Variants in DCBLD2 observed in about 807,000 individuals in gnomAD.
DCBLD2 encodes the protein discoidin, CUB and LCCL domain-containing protein 2.
In DCBLD2, 54 loss-of-function variants were observed where a neutral mutation model predicts 86.8. That is an observed-to-expected ratio of 0.62 (90% CI 0.50 to 0.78). The LOEUF is 0.78. Among genes scored for constraint, DCBLD2 ranks in the 30% least tolerant of loss-of-function variants. The probability of loss-of-function intolerance (pLI) is 0.00; values close to 1 mark genes in which losing one functional copy is unlikely to be tolerated. For missense variants in DCBLD2, 908 were observed against 954.2 expected (o/e 0.95, Z 0.64); for synonymous variants, 354 against 341.3 (o/e 1.04, Z -0.41).
intron 7 of DCBLD2, 112 bp from the exon 8 acceptor site, chr3:98,819,529 T>C: frequency 9.5e-7 from 1 of 1,055,202 alleles, no homozygotes; most frequent in Non-Finnish European, 1.4e-6. Flanking sequence ...ACTACACTAA[T>C]AATACACTGT....
intron 2 of DCBLD2, among the ~76,000 whole-genome samples, chr3:98,868,509 C>T (rs1422624691): frequency 1.3e-5 from 2 of 151,982 alleles, no homozygotes; most frequent in Non-Finnish European, 2.9e-5. Flanking sequence ...GTTTTTGTTA[C>T]ACAGATAAAT....
intron 13 of DCBLD2, among the ~76,000 whole-genome samples, chr3:98,807,169 C>G (rs777871923): frequency 6.6e-6 from 1 of 152,178 alleles, no homozygotes; most frequent in Non-Finnish European, 1.5e-5. Flanking sequence ...CAGGACTCTC[C>G]CACGCCAAGC....
intron 1 of DCBLD2, among the ~76,000 whole-genome samples, chr3:98,891,720 G>T (rs1012504739): frequency 1.3e-5 from 2 of 151,906 alleles, no homozygotes; most frequent in Non-Finnish European, 2.9e-5. Flanking sequence ...TGAACTATAG[G>T]TGACTCCCCA....
intron 3 of DCBLD2, among the ~76,000 whole-genome samples, chr3:98,840,908 C>A (rs771850159): frequency 1.3e-5 from 2 of 152,150 alleles, no homozygotes; most frequent in African/African-American, 4.8e-5. Flanking sequence ...ACATATGGTA[C>A]ACTTCATTTG....
Position 98,881,632 on chromosome 3 carries a change from T to G in DCBLD2, c.341A>C (p.Lys114Thr), listed in dbSNP as rs370633758. ...ATCTTCAATGTCAAAGTCACCAAAT[T>G]TGATGCGAACTCTCTCTCCCATCTT... ...RVKMGERVRI[K>T]FGDFDIEDSD... Residue 114 changes from lysine to threonine, a missense_variant, in exon 2 of 16, where the codon AAA (lysine) becomes ACA (threonine). Coordinates refer to ENST00000326840, the MANE Select transcript of DCBLD2 (RefSeq NM_080927.4). The G allele has an allele frequency of 1.2e-6, 2 of 1,613,844 alleles. No homozygotes were observed. Among genetic ancestry groups the G allele is most frequent in the Non-Finnish European group, 8.5e-7 (1 of 1,179,882 alleles).
intron 3 of DCBLD2, among the ~76,000 whole-genome samples, chr3:98,842,630 C>A (rs1942640961): frequency 6.6e-6 from 1 of 152,120 alleles, no homozygotes; most frequent in Admixed American, 6.5e-5. Flanking sequence ...ACAGTAGAAG[C>A]CCAGAAAAAA....
At chr3:98,839,561 G>C (rs1237901330) in intron 3 of DCBLD2, among the ~76,000 whole-genome samples, 2 of 152,154 alleles carry the variant, frequency 1.3e-5, no homozygotes, top group Non-Finnish European at 2.9e-5. Context: ...TAGCATATCT[G>C]TATTGATGGG....
intron 5 of DCBLD2, 45 bp from the exon 6 acceptor site, chr3:98,822,406 A>G: frequency 6.3e-7 from 1 of 1,583,320 alleles, no homozygotes; most frequent in Non-Finnish European, 8.6e-7. Context: ...TTTTCTCTTA[A>G]TAATTCATAA....
chr3:98,820,758 ATTTC>A (rs1469317600), intron 6 of DCBLD2: 4 of 87,206 alleles, frequency 4.6e-5, no homozygotes, highest in South Asian at 5.3e-4. Flanking sequence ...GTACTAATAG[ATTTC>A]TTTTTCTTTT....
In DCBLD2 at chr3:98,836,698, G is replaced by C. The variant is rs1262135684; in HGVS notation, c.572-11332C>G. 4.2e-5 allele frequency among the ~76,000 whole-genome samples: 4 copies of C among 95,640 alleles called. 2 individuals are homozygous for C. The highest frequency in any genetic ancestry group is 9.4e-5 in the Non-Finnish European group (4 of 42,660). The allele number at this position is 95,640 out of a possible 152,430, so 62.7% of individuals were successfully genotyped here. A position where few individuals can be genotyped will look rare whatever the true frequency, so the allele number is the denominator to read the frequency against. ...GGGCAGAGGCGCCCATCACCTCCCG[G>C]ACGGGGCGGCTGGCCGGGCGGGGGG... On this transcript the variant is annotated intron_variant, in intron 3 of 15. Coordinates refer to ENST00000326840, the MANE Select transcript of DCBLD2 (RefSeq NM_080927.4).
chr3:98,871,024 G>GTT lies in DCBLD2; in HGVS notation c.433+10514_433+10515dup, dbSNP rs55792662. 5.4e-3 allele frequency among the ~76,000 whole-genome samples: 792 copies of GTT among 146,018 alleles called. 9 individuals carry two copies. The highest frequency in any genetic ancestry group is 0.016 in the African/African-American group (660 of 40,104). ...CTCTTTGGTTAAGTATATTCCTAGG[G>GTT]TTTTTTTTTTTCCTTTTTTTGCAAC... On this transcript the variant is annotated intron_variant, in intron 2 of 15. Transcript: ENST00000326840.
At position 98,799,686 on chromosome 3, in the gene DCBLD2, T is replaced by A. The variant is rs111245657; in HGVS notation, c.2014A>T (p.Ile672Phe). 6.2e-7 allele frequency: 1 copy of A among 1,613,996 alleles called. No homozygotes were observed. The highest frequency in any genetic ancestry group is 8.5e-7 in the Non-Finnish European group (1 of 1,179,876). Residue 672 changes from isoleucine to phenylalanine, a missense_variant, in exon 16 of 16, where the codon ATT (isoleucine) becomes TTT (phenylalanine). Coordinates refer to ENST00000326840, the MANE Select transcript of DCBLD2 (RefSeq NM_080927.4). ...VYHAYAEPLPITGPEYATPII... is the reference protein window; with the variant it reads ...VYHAYAEPLPFTGPEYATPII... Reference sequence around the variant, plus strand: ...GGGGTTGCATACTCAGGCCCCGTAATTGGGAGTGGTTCAGCATAGGCATGA... The same window carrying A: ...GGGGTTGCATACTCAGGCCCCGTAAATGGGAGTGGTTCAGCATAGGCATGA...
chr3:98,838,262 CG>C (rs1942521943), intron 3 of DCBLD2, among the ~76,000 whole-genome samples: 1 of 101,044 alleles, frequency 9.9e-6, no homozygotes, highest in Non-Finnish European at 2.1e-5. Context: ...GGGCAGCTGC[CG>C]GGCGGAGGGG....
intron 2 of DCBLD2, among the ~76,000 whole-genome samples, chr3:98,874,965 G>A (rs148557253): frequency 4.0e-4 from 61 of 152,236 alleles, no homozygotes; most frequent in Admixed American, 2.4e-3. Flanking sequence ...ACGGCAACCT[G>A]AGCTCAGACA....
At chr3:98,880,100 G>C (rs17278047) in intron 2 of DCBLD2, among the ~76,000 whole-genome samples, 19,141 of 152,120 alleles carry the variant, frequency 0.13, 1,295 homozygotes, top group Middle Eastern at 0.18. Flanking sequence ...CATGCAATAC[G>C]CACGTGGTGC....
intron 3 of DCBLD2, among the ~76,000 whole-genome samples, chr3:98,826,663 G>T (rs890733364): frequency 2.6e-5 from 4 of 152,128 alleles, no homozygotes; most frequent in African/African-American, 9.7e-5. Context: ...CCTCACCTTT[G>T]TATTTCCAGT....
At position 98,820,228 on chromosome 3, in the gene DCBLD2, A is replaced by G. The variant is rs765664051; in HGVS notation, c.871+20T>C. ...AAATATTATATAAATAAAAAATTATAAAGTCCATAAAAGGCTTACCACTTG... is the reference window on the plus strand; with the variant it reads ...AAATATTATATAAATAAAAAATTATGAAGTCCATAAAAGGCTTACCACTTG... On this transcript the variant is annotated intron_variant, in intron 7 of 15. Transcript: ENST00000326840. 35 of 1,403,880 alleles carry G rather than the reference A, an allele frequency of 2.5e-5. No homozygotes were observed. The Admixed American group carries it at 3.3e-4, about 13-fold the overall frequency. 87.0% of individuals were successfully genotyped at this position (1,403,880 alleles called of 1,614,324 possible).
At chr3:98,892,369 C>T (rs1943677737) in intron 1 of DCBLD2, among the ~76,000 whole-genome samples, 1 of 152,066 alleles carries the variant, frequency 6.6e-6, no homozygotes, top group Non-Finnish European at 1.5e-5. Context: ...AGTACCCTGC[C>T]TTATCCTTCT....
intron 2 of DCBLD2, among the ~76,000 whole-genome samples, chr3:98,866,521 T>C (rs1386274097): frequency 4.6e-5 from 7 of 152,250 alleles, no homozygotes; most frequent in Non-Finnish European, 1.0e-4. Flanking sequence ...TTGAGAAGTG[T>C]CTGTTCATAT....
Sources: gnomAD v4.1 joint callset for allele counts (sites outside exome capture counted in the v4.1 genomes callset) on GRCh38, gnomAD v4.1.1 for gene constraint, MANE v1.5 for transcripts, NCBI Gene and HGNC (gene_info 2026-07-23, HGNC 2026-07-21) for gene names.